Variants in IL1R2 observed in about 807,000 individuals in gnomAD.
IL1R2 encodes interleukin-1 receptor type 2.
A neutral mutation model predicts 39.5 loss-of-function variants in IL1R2; 46 were observed. That is an observed-to-expected ratio of 1.16 (90% CI 0.92 to 1.49). The LOEUF is 1.49. IL1R2 is among the 40% of genes most tolerant of loss of function. The pLI is 0.00. For synonymous variants in IL1R2, 207 were observed against 189.6 expected, an observed-to-expected ratio of 1.09 and a Z score of -0.75; for missense variants, 537 against 502.0, an observed-to-expected ratio of 1.07 and a Z score of -0.67.
chr2:102,003,851 G>A (rs1676085302), intron 1 of IL1R2, among the ~76,000 whole-genome samples: 1 of 151,258 alleles, frequency 6.6e-6, no homozygotes, highest in Non-Finnish European at 1.5e-5. Flanking sequence ...CTGTGTCTGT[G>A]GCTGTGTCTG....
At chr2:101,996,108 T>C (rs1423505544) in intron 1 of IL1R2, among the ~76,000 whole-genome samples, 2 of 151,824 alleles carry the variant, frequency 1.3e-5, no homozygotes, top group African/African-American at 2.4e-5. Context: ...CCCGCCCGAC[T>C]TCAAGGGTTC....
chr2:102,002,735 T>C lies in IL1R2; in HGVS notation c.-61-5780T>C, dbSNP rs369737491. ...GTCTATGTCTATGCCTATGCCTATGTCTATGTCTATGTCTATATCTATATC... is the reference window on the plus strand; with the variant it reads ...GTCTATGTCTATGCCTATGCCTATGCCTATGTCTATGTCTATATCTATATC... On this transcript the variant is annotated intron_variant, in intron 1 of 8. Transcript: ENST00000332549. Among the ~76,000 whole-genome samples the C allele has an allele frequency of 4.3e-3, 638 of 149,174 alleles. 6 individuals carry two copies. Among genetic ancestry groups the C allele is most frequent in the Middle Eastern group, 0.014 (4 of 294 alleles).
chr2:101,999,513 C>T (rs905703597), intron 1 of IL1R2, among the ~76,000 whole-genome samples: 1 of 152,220 alleles, frequency 6.6e-6, no homozygotes, highest in Non-Finnish European at 1.5e-5. Flanking sequence ...TCTGCTATGA[C>T]TCGATGCTTT....
chr2:101,994,834 G>A (rs1473702682), intron 1 of IL1R2, among the ~76,000 whole-genome samples: 2 of 152,238 alleles, frequency 1.3e-5, no homozygotes, highest in South Asian at 2.1e-4. Flanking sequence ...CACACTTTGA[G>A]TAGAAAGGAT....
At chr2:101,997,697 C>T (rs1242004897) in intron 1 of IL1R2, among the ~76,000 whole-genome samples, 1 of 152,224 alleles carries the variant, frequency 6.6e-6, no homozygotes, top group African/African-American at 2.4e-5. Flanking sequence ...CACCCCTTTA[C>T]CTAACAGCCA....
chr2:102,017,257 C>T (rs1484293731), intron 4 of IL1R2, among the ~76,000 whole-genome samples: 9 of 151,950 alleles, frequency 5.9e-5, no homozygotes, highest in East Asian at 3.9e-4. Context: ...ATTAGCTGGG[C>T]GTGGTAGTGG....
chr2:101,998,007 GC>G, intron 1 of IL1R2, among the ~76,000 whole-genome samples: 1 of 152,260 alleles, frequency 6.6e-6, no homozygotes, highest in East Asian at 1.9e-4. Flanking sequence ...TTCTGAGGAG[GC>G]CTTTGCTCTC....
At chr2:102,002,750 A>ATATCTT (rs1267997902) in intron 1 of IL1R2, among the ~76,000 whole-genome samples, 1 of 143,240 alleles carries the variant, frequency 7.0e-6, no homozygotes, top group East Asian at 2.1e-4. Context: ...GTCTATGTCT[A>ATATCTT]TATCTATATC....
intron 4 of IL1R2, among the ~76,000 whole-genome samples, chr2:102,017,150 CA>C (rs1287118370): frequency 2.0e-5 from 3 of 152,008 alleles, no homozygotes; most frequent in African/African-American, 7.2e-5. Flanking sequence ...ATAATCCCAG[CA>C]CTCTGGCAGG....
intron 3 of IL1R2, among the ~76,000 whole-genome samples, chr2:102,010,409 T>TAA (rs1210998098): frequency 6.6e-6 from 1 of 151,600 alleles, no homozygotes; most frequent in Non-Finnish European, 1.5e-5. Flanking sequence ...CCGTCTCTAC[T>TAA]AAAAAAATAC....
intron 1 of IL1R2, among the ~76,000 whole-genome samples, chr2:102,002,307 T>C (rs1350126485): frequency 6.8e-5 from 10 of 147,762 alleles, no homozygotes; most frequent in African/African-American, 2.0e-4. Context: ...TGTGTCTGTG[T>C]CTGTGTCTGT....
chr2:102,006,073 C>T (rs1207203070), intron 1 of IL1R2, among the ~76,000 whole-genome samples: 4 of 152,142 alleles, frequency 2.6e-5, no homozygotes, highest in Non-Finnish European at 5.9e-5. Context: ...TACACTAGTC[C>T]CTAAAACACC....
At chr2:102,001,738 T>C (rs1675871494) in intron 1 of IL1R2, among the ~76,000 whole-genome samples, 3 of 152,190 alleles carry the variant, frequency 2.0e-5, no homozygotes, top group Admixed American at 1.3e-4. Context: ...AGTTAAAAAA[T>C]ACATTCTATA....
At chr2:101,998,883 C>T (rs1448902358) in intron 1 of IL1R2, 1 of 152,220 alleles carries the variant, frequency 6.6e-6, no homozygotes, top group African/African-American at 2.4e-5. Context: ...AGCATCACTT[C>T]TGCTGCATTG....
chr2:102,015,210 G>A (rs1676921553), intron 3 of IL1R2, among the ~76,000 whole-genome samples: 2 of 152,152 alleles, frequency 1.3e-5, no homozygotes, highest in Admixed American at 1.3e-4. Context: ...GTATGCGGGG[G>A]CTGGGCTCAA....
At chr2:101,992,411 A>G (rs1329564311) in intron 1 of IL1R2, among the ~76,000 whole-genome samples, 3 of 151,726 alleles carry the variant, frequency 2.0e-5, no homozygotes, top group Non-Finnish European at 4.4e-5. Context: ...AGACAGAGAC[A>G]GAGAGAGGCA....
intron 8 of IL1R2, among the ~76,000 whole-genome samples, chr2:102,027,592 G>A (rs113718091): frequency 2.0e-5 from 3 of 152,276 alleles, no homozygotes; most frequent in African/African-American, 4.8e-5. Flanking sequence ...AGGTCATGTC[G>A]ATTCCTGGAT....
In IL1R2 at chr2:102,019,683, A is replaced by T. The variant is rs866208987; in HGVS notation, c.559A>T (p.Arg187Trp). The change falls in exon 5 of 9, where the codon AGG becomes TGG. Residue 187 changes from arginine to tryptophan, a missense_variant. Transcript: ENST00000332549. ...AGACAATGAGAAATTTCTAAGTGTGAGGGGGACCACTCACTTACTCGTACA... is the reference window on the plus strand; with the variant it reads ...AGACAATGAGAAATTTCTAAGTGTGTGGGGGACCACTCACTTACTCGTACA... ...DKDNEKFLSV[R>W]GTTHLLVHDV... 4 of 1,613,732 alleles carry T rather than the reference A, an allele frequency of 2.5e-6. No homozygotes were observed. The highest frequency in any genetic ancestry group is 3.4e-6 in the Non-Finnish European group (4 of 1,179,648).
At chr2:102,013,198 G>A (rs971058862) in intron 3 of IL1R2, among the ~76,000 whole-genome samples, 1 of 152,152 alleles carries the variant, frequency 6.6e-6, no homozygotes, top group African/African-American at 2.4e-5. Context: ...TGAGGGGGCA[G>A]TGGAAATCCC....
Sources: gnomAD v4.1 joint callset for allele counts (sites outside exome capture counted in the v4.1 genomes callset) on GRCh38, gnomAD v4.1.1 for gene constraint, MANE v1.5 for transcripts, NCBI Gene and HGNC (gene_info 2026-07-23, HGNC 2026-07-21) for gene names.